Variants in LRRC37A2 observed in about 807,000 individuals in gnomAD.
The protein encoded by LRRC37A2 is leucine-rich repeat-containing protein 37A2.
LRRC37A2 carries 9 observed loss-of-function variants against 68.8 expected under a neutral mutation model. The observed-to-expected ratio is 0.13, with a 90% CI of 0.08 to 0.23. The LOEUF is 0.23. Ranked by LOEUF, LRRC37A2 falls within the 10% of genes least tolerant of loss-of-function variation. LRRC37A2 has a pLI of 1.00. For synonymous variants in LRRC37A2, 63 were observed against 367.6 expected (o/e 0.17, Z 9.48); for missense variants, 168 against 950.4 (o/e 0.18, Z 10.82).
At chr17:47,018,707 C>T in the LRRC37A2 span, 15 of 1,520,256 alleles carry the variant, frequency 9.9e-6, no homozygotes, top group East Asian at 4.5e-5. Flanking sequence ...ATCCACAGAC[C>T]GCTGAGGAGG....
chr17:46,490,422 A>G, the LRRC37A2 span, among the ~76,000 whole-genome samples: 1 of 151,170 alleles, frequency 6.6e-6, no homozygotes, highest in African/African-American at 2.5e-5. Flanking sequence ...CTGGAAATCT[A>G]GTAAAACCTT....
At chr17:47,017,787 C>T in the LRRC37A2 span, 12 of 1,610,390 alleles carry the variant, frequency 7.5e-6, no homozygotes, top group Non-Finnish European at 1.0e-5. Context: ...GCCTCCAGAA[C>T]TCCGGGTGAA....
chr17:46,439,385 C>CAA, the LRRC37A2 span, among the ~76,000 whole-genome samples: 181 of 137,024 alleles, frequency 1.3e-3, no homozygotes, highest in East Asian at 3.5e-3. Flanking sequence ...TACATAGAGC[C>CAA]AAAAAAAAAA....
the LRRC37A2 span, among the ~76,000 whole-genome samples, chr17:46,901,466 C>T: frequency 6.6e-5 from 10 of 152,192 alleles, no homozygotes; most frequent in East Asian, 1.2e-3. Context: ...CAGCCCAGCA[C>T]GTTTAAAGAA....
chr17:46,734,378 G>T, the LRRC37A2 span, among the ~76,000 whole-genome samples: 1 of 151,882 alleles, frequency 6.6e-6, no homozygotes, highest in Admixed American at 6.6e-5. Flanking sequence ...TTTGCATTGG[G>T]CTTCATTTCT....
the LRRC37A2 span, among the ~76,000 whole-genome samples, chr17:47,029,914 T>C: frequency 1.3e-5 from 2 of 151,470 alleles, no homozygotes; most frequent in African/African-American, 2.4e-5. Flanking sequence ...AATACAAAAA[T>C]TAGCTGGGCA....
At chr17:46,773,741 C>T in the LRRC37A2 span, 1 of 1,612,658 alleles carries the variant, frequency 6.2e-7, no homozygotes, top group Non-Finnish European at 8.5e-7. Flanking sequence ...GGCCCCGGAA[C>T]TGGTGCTGGC....
chr17:46,533,272 C>T (rs1203902775), intron 6 of LRRC37A2, among the ~76,000 whole-genome samples: 2 of 94,258 alleles, frequency 2.1e-5, no homozygotes, highest in Non-Finnish European at 3.9e-5. Context: ...TTTTAGTTAG[C>T]CGAGTGTGGT....
chr17:46,830,539 C>T, the LRRC37A2 span: 13 of 396,852 alleles, frequency 3.3e-5, no homozygotes, highest in Non-Finnish European at 5.3e-5. Flanking sequence ...AGCCACCACA[C>T]CTGGCCAGAA....
At chr17:46,737,164 A>T in the LRRC37A2 span, among the ~76,000 whole-genome samples, 1 of 152,226 alleles carries the variant, frequency 6.6e-6, no homozygotes, top group South Asian at 2.1e-4. Context: ...CAGATGGCTC[A>T]TAGTCCAAGA....
the LRRC37A2 span, among the ~76,000 whole-genome samples, chr17:46,946,299 A>G: frequency 1.3e-4 from 18 of 142,988 alleles, no homozygotes; most frequent in South Asian, 2.2e-4. Flanking sequence ...AAAAAAAAAA[A>G]AAAGAAAAGA....
At chr17:47,020,826 T>G in the LRRC37A2 span, among the ~76,000 whole-genome samples, 1 of 93,502 alleles carries the variant, frequency 1.1e-5, no homozygotes, top group Admixed American at 1.1e-4. Flanking sequence ...AGAAAGAGAA[T>G]AGGCATAAAA....
chr17:46,810,117 C>T, the LRRC37A2 span, among the ~76,000 whole-genome samples: 2 of 151,630 alleles, frequency 1.3e-5, no homozygotes, highest in Admixed American at 1.3e-4. Context: ...AGCGATTCTC[C>T]TGCCTCAGCC....
chr17:46,893,980 A>G, the LRRC37A2 span, among the ~76,000 whole-genome samples: 1 of 152,146 alleles, frequency 6.6e-6, no homozygotes, highest in South Asian at 2.1e-4. Context: ...TGGCTCACCC[A>G]TGGCTTGGTT....
the LRRC37A2 span, among the ~76,000 whole-genome samples, chr17:46,992,289 A>G: frequency 6.6e-6 from 1 of 151,918 alleles, no homozygotes; most frequent in African/African-American, 2.4e-5. Flanking sequence ...AATCACTTGA[A>G]CCCGGGAAGT....
At chr17:46,780,020 G>C in the LRRC37A2 span, among the ~76,000 whole-genome samples, 1 of 152,224 alleles carries the variant, frequency 6.6e-6, no homozygotes, top group Non-Finnish European at 1.5e-5. Flanking sequence ...GCCTCCCAAA[G>C]TGCTGGGATT....
chr17:46,809,004 C>T, the LRRC37A2 span, among the ~76,000 whole-genome samples: 15 of 152,122 alleles, frequency 9.9e-5, no homozygotes, highest in Non-Finnish European at 2.9e-5. Context: ...AGACTGACCC[C>T]AGGTCAACAG....
chr17:47,023,867 T>C, the LRRC37A2 span, among the ~76,000 whole-genome samples: 44 of 152,202 alleles, frequency 2.9e-4, no homozygotes, highest in African/African-American at 8.9e-4. Flanking sequence ...AGTGCTGGGA[T>C]TACAGGCATG....
the LRRC37A2 span, chr17:46,818,459 C>T: frequency 1.9e-6 from 3 of 1,545,140 alleles, no homozygotes; most frequent in Non-Finnish European, 2.6e-6. Context: ...CCGGCGCCCC[C>T]ACCTTCCCCG....
Sources: gnomAD v4.1 joint callset for allele counts (sites outside exome capture counted in the v4.1 genomes callset) on GRCh38, gnomAD v4.1.1 for gene constraint, MANE v1.5 for transcripts, NCBI Gene and HGNC (gene_info 2026-07-23, HGNC 2026-07-21) for gene names.